RAD51B: variants seen among roughly 807,000 people sequenced by gnomAD.
RAD51B encodes RAD51 paralog B, also known as DNA repair protein RAD51 homolog 2.
A neutral mutation model predicts 42.2 loss-of-function variants in RAD51B; 38 were observed. That is an observed-to-expected ratio of 0.90 (90% CI 0.70 to 1.18). The LOEUF is 1.18. Ranked by LOEUF, RAD51B falls within the 50% of genes most tolerant of loss-of-function variation. RAD51B has a pLI of 0.00. For missense variants in RAD51B, 373 were observed against 400.7 expected, an observed-to-expected ratio of 0.93 and a Z score of 0.59; for synonymous variants, 154 against 145.2, an observed-to-expected ratio of 1.06 and a Z score of -0.43.
intron 10 of RAD51B, among the ~76,000 whole-genome samples, chr14:68,634,465 C>T (rs983928946): frequency 1.3e-5 from 2 of 152,102 alleles, no homozygotes; most frequent in East Asian, 1.9e-4. Flanking sequence ...GAGGAGAGAA[C>T]GTGCTCAAAA....
chr14:67,898,267 C>G (rs1393878809), intron 7 of RAD51B, among the ~76,000 whole-genome samples: 1 of 152,158 alleles, frequency 6.6e-6, no homozygotes, highest in African/African-American at 2.4e-5. Flanking sequence ...GGAAATACTA[C>G]TATCTGTGAC....
At chr14:68,670,206 C>T (rs1191559105) in intron 11 of RAD51B, among the ~76,000 whole-genome samples, 5 of 152,156 alleles carry the variant, frequency 3.3e-5, no homozygotes, top group Admixed American at 6.5e-5. Flanking sequence ...TGGAACCGTC[C>T]GTGGGCCCTG....
chr14:68,493,326 A>G (rs967365137), intron 10 of RAD51B, among the ~76,000 whole-genome samples: 1 of 152,232 alleles, frequency 6.6e-6, no homozygotes, highest in Non-Finnish European at 1.5e-5. Context: ...TGATGGATTC[A>G]TCAAGTCTCT....
chr14:68,629,480 T>C (rs963076675), intron 10 of RAD51B, among the ~76,000 whole-genome samples: 1 of 152,170 alleles, frequency 6.6e-6, no homozygotes, highest in Non-Finnish European at 1.5e-5. Context: ...CTGAAAAGTG[T>C]GTGCTTGGTC....
At chr14:68,638,428 G>A (rs1272193275) in intron 10 of RAD51B, among the ~76,000 whole-genome samples, 2 of 152,088 alleles carry the variant, frequency 1.3e-5, no homozygotes, top group Non-Finnish European at 2.9e-5. Flanking sequence ...TTTTAAGAGA[G>A]GGAAAAAAAG....
At chr14:68,285,011 A>G (rs917036495) in intron 7 of RAD51B, among the ~76,000 whole-genome samples, 2 of 151,894 alleles carry the variant, frequency 1.3e-5, no homozygotes, top group Admixed American at 6.6e-5. Flanking sequence ...TGCTTTCCTT[A>G]TTCTCTTTCT....
chr14:68,017,382 G>T (rs954377058), intron 7 of RAD51B, among the ~76,000 whole-genome samples: 20 of 151,964 alleles, frequency 1.3e-4, no homozygotes, highest in Admixed American at 9.8e-4. Flanking sequence ...TTTTAGTAGA[G>T]ACAAGGTTTC....
chr14:68,172,455 G>A (rs1453444626), intron 7 of RAD51B, among the ~76,000 whole-genome samples: 2 of 152,184 alleles, frequency 1.3e-5, no homozygotes, highest in Admixed American at 6.5e-5. Flanking sequence ...AGATTAAGAG[G>A]CTTTCCTAAG....
At chr14:68,151,369 G>A (rs999252513) in intron 7 of RAD51B, among the ~76,000 whole-genome samples, 1 of 151,830 alleles carries the variant, frequency 6.6e-6, no homozygotes, top group Non-Finnish European at 1.5e-5. Context: ...GAAATTGATT[G>A]TGATGTGCCT....
intron 5 of RAD51B, among the ~76,000 whole-genome samples, chr14:67,879,696 C>A (rs572213140): frequency 6.6e-6 from 1 of 152,268 alleles, no homozygotes; most frequent in South Asian, 2.1e-4. Flanking sequence ...TTGCAAATCT[C>A]TTTAGTGTCT....
chr14:68,578,270 G>A (rs1890053208), intron 10 of RAD51B, among the ~76,000 whole-genome samples: 1 of 152,152 alleles, frequency 6.6e-6, no homozygotes, highest in South Asian at 2.1e-4. Context: ...TATTGGCTGG[G>A]CGTGGTGGCA....
chr14:68,429,441 G>A (rs1371815372), intron 9 of RAD51B, among the ~76,000 whole-genome samples: 7 of 152,084 alleles, frequency 4.6e-5, no homozygotes, highest in African/African-American at 1.4e-4. Flanking sequence ...TTTAATGATC[G>A]CCATTCTAAC....
intron 7 of RAD51B, among the ~76,000 whole-genome samples, chr14:67,923,591 G>A (rs1288205153): frequency 6.6e-6 from 1 of 152,108 alleles, no homozygotes; most frequent in Non-Finnish European, 1.5e-5. Context: ...GAGCCACTGC[G>A]ACCAGCAGTA....
intron 10 of RAD51B, among the ~76,000 whole-genome samples, chr14:68,606,587 G>A (rs1891456129): frequency 1.3e-5 from 2 of 152,144 alleles, no homozygotes; most frequent in Non-Finnish European, 2.9e-5. Context: ...CTGTGGTTTT[G>A]TATGGTCCTT....
At chr14:68,045,236 CAAAA>C (rs537073885) in intron 7 of RAD51B, among the ~76,000 whole-genome samples, 2 of 22,080 alleles carry the variant, frequency 9.1e-5, no homozygotes, top group African/African-American at 1.8e-4. Flanking sequence ...AACTCTGTCT[CAAAA>C]AAAAAAAAAA....
chr14:68,657,889 T>G (rs916202213), intron 11 of RAD51B, among the ~76,000 whole-genome samples: 13 of 152,224 alleles, frequency 8.5e-5, no homozygotes, highest in African/African-American at 2.9e-4. Flanking sequence ...AGAGGACATC[T>G]CCTGCCCTGG....
chr14:67,999,997 AAAAC>A (rs149715746), intron 7 of RAD51B, among the ~76,000 whole-genome samples: 13 of 152,068 alleles, frequency 8.5e-5, no homozygotes, highest in Non-Finnish European at 1.9e-4. Context: ...TTAGGTCTTA[AAAAC>A]AAACAAACAA....
chr14:68,156,455 T>TTCTCTCTCTC (rs10650896), intron 7 of RAD51B, among the ~76,000 whole-genome samples: 6,180 of 114,192 alleles, frequency 0.054, 368 homozygotes, highest in East Asian at 0.071. Context: ...CTTAGAAAAT[T>TTCTCTCTCTC]TCTCTCTCTC....
intron 7 of RAD51B, among the ~76,000 whole-genome samples, chr14:68,077,799 T>C (rs1406214181): frequency 6.6e-6 from 1 of 152,060 alleles, no homozygotes; most frequent in African/African-American, 2.4e-5. Context: ...CTACTAAAAG[T>C]AGAAAAACTA....
Sources: gnomAD v4.1 joint callset for allele counts (sites outside exome capture counted in the v4.1 genomes callset) on GRCh38, gnomAD v4.1.1 for gene constraint, MANE v1.5 for transcripts, NCBI Gene and HGNC (gene_info 2026-07-23, HGNC 2026-07-21) for gene names.